SEMA3C: variants seen among roughly 807,000 people sequenced by gnomAD.
SEMA3C encodes the protein semaphorin-3C.
SEMA3C carries 47 observed loss-of-function variants against 89.4 expected under a neutral mutation model. The ratio of observed to expected loss-of-function variants is 0.53; its 90% CI spans 0.42 to 0.67. The LOEUF is 0.67. Ranked by LOEUF, SEMA3C falls within the 30% of genes least tolerant of loss-of-function variation. SEMA3C has a pLI of 0.00. For synonymous variants in SEMA3C, 310 were observed against 320.2 expected (o/e 0.97, Z 0.34); for missense variants, 839 against 929.1 (o/e 0.90, Z 1.26).
chr7:80,754,862 C>T (rs934584856), intron 15 of SEMA3C, among the ~76,000 whole-genome samples: 1 of 152,020 alleles, frequency 6.6e-6, no homozygotes, highest in African/African-American at 2.4e-5. Flanking sequence ...ACTGCAATCT[C>T]CGCCACAAGG....
intron 2 of SEMA3C, among the ~76,000 whole-genome samples, chr7:80,836,821 G>T (rs576361974): frequency 5.1e-4 from 77 of 152,232 alleles, no homozygotes; most frequent in African/African-American, 1.4e-3. Context: ...GCCCTGGTTT[G>T]CCCCAGACAG....
intron 13 of SEMA3C, among the ~76,000 whole-genome samples, chr7:80,764,564 T>C (rs1381702085): frequency 2.2e-5 from 2 of 91,240 alleles, no homozygotes; most frequent in African/African-American, 7.0e-5. Context: ...CTTGTGTATG[T>C]TTTTTTTTCT....
At chr7:80,754,957 G>GGTTTTTTTTTGTTTTTTTTTTTTT (rs1788025146) in intron 15 of SEMA3C, among the ~76,000 whole-genome samples, 1 of 108,368 alleles carries the variant, frequency 9.2e-6, no homozygotes. Context: ...GTTTTTTTTT[G>GGTTTTTTTTTGTTTTTTTTTTTTT]TTTTTTTTTT....
chr7:80,756,098 C>G (rs569648547), intron 15 of SEMA3C, among the ~76,000 whole-genome samples: 6 of 152,290 alleles, frequency 3.9e-5, no homozygotes, highest in African/African-American at 1.4e-4. Context: ...TTCTAACTGC[C>G]TACTCAATAT....
At chr7:80,808,528 T>C (rs963796438) in intron 6 of SEMA3C, among the ~76,000 whole-genome samples, 3 of 152,200 alleles carry the variant, frequency 2.0e-5, no homozygotes, top group Non-Finnish European at 4.4e-5. Context: ...AATGCCGATA[T>C]TCAAGCAATT....
chr7:80,841,859 T>C (rs1012227985), intron 2 of SEMA3C, among the ~76,000 whole-genome samples: 2 of 152,220 alleles, frequency 1.3e-5, no homozygotes, highest in Non-Finnish European at 1.5e-5. Context: ...CTACTTTATC[T>C]AAATATTATT....
chr7:80,760,370 C>G (rs1788157578), intron 14 of SEMA3C, among the ~76,000 whole-genome samples: 1 of 152,176 alleles, frequency 6.6e-6, no homozygotes, highest in Non-Finnish European at 1.5e-5. Flanking sequence ...CCATTAACTA[C>G]TGTAAACAAA....
intron 2 of SEMA3C, among the ~76,000 whole-genome samples, chr7:80,868,232 T>C (rs1459391551): frequency 6.6e-6 from 1 of 152,122 alleles, no homozygotes; most frequent in Non-Finnish European, 1.5e-5. Context: ...CTTTCCTTCA[T>C]ATATCCTTCC....
chr7:80,788,082 A>G (rs1161216710), intron 12 of SEMA3C, among the ~76,000 whole-genome samples: 1 of 152,222 alleles, frequency 6.6e-6, no homozygotes, highest in Admixed American at 6.5e-5. Context: ...ATCTTAGCAC[A>G]CTTTGGAAAT....
chr7:80,872,038 CTGCA>C (rs1791070927), intron 2 of SEMA3C, among the ~76,000 whole-genome samples: 2 of 152,226 alleles, frequency 1.3e-5, no homozygotes, highest in South Asian at 4.1e-4. Context: ...GATAATTTGA[CTGCA>C]TGATCAGTTT....
chr7:80,773,039 C>A (rs1266697802), intron 12 of SEMA3C, among the ~76,000 whole-genome samples: 3 of 152,010 alleles, frequency 2.0e-5, no homozygotes, highest in Admixed American at 1.3e-4. Flanking sequence ...ATTAAAGAAT[C>A]GTGAGAGAAA....
chr7:80,792,101 C>T (rs932695434), intron 11 of SEMA3C, among the ~76,000 whole-genome samples: 2 of 152,156 alleles, frequency 1.3e-5, no homozygotes, highest in Non-Finnish European at 2.9e-5. Context: ...ACTAGACTTT[C>T]ATCTGGAGTT....
At chr7:80,830,167 G>A (rs557439873) in intron 2 of SEMA3C, among the ~76,000 whole-genome samples, 6 of 152,142 alleles carry the variant, frequency 3.9e-5, no homozygotes, top group Non-Finnish European at 8.8e-5. Context: ...CCAATAATCT[G>A]AAAATGCCCT....
intron 2 of SEMA3C, among the ~76,000 whole-genome samples, chr7:80,829,308 T>C (rs557660360): frequency 1.3e-5 from 2 of 152,284 alleles, no homozygotes; most frequent in African/African-American, 2.4e-5. Flanking sequence ...TCAACTCTGT[T>C]TTATTACTGG....
In SEMA3C at chr7:80,905,175, A is replaced by AT. The variant is rs777783617; in HGVS notation, c.103+11503dup. ...TTTGCTGCAACCCTCAATTATGGCC[A>AT]TTTTTTTTTTTTTTTGAGGAGGTGG... On this transcript the variant is annotated intron_variant, in intron 2 of 17. Coordinates refer to ENST00000265361, the MANE Select transcript of SEMA3C (RefSeq NM_006379.5). Among the ~76,000 whole-genome samples the AT allele has an allele frequency of 6.1e-3, 757 of 123,506 alleles. 10 individuals are homozygous for AT. The highest frequency in any genetic ancestry group is 0.029 in the Middle Eastern group (7 of 240). The allele number at this position is 123,506 out of a possible 152,430, so 81.0% of individuals were successfully genotyped here.
At chr7:80,860,335 T>C (rs894773773) in intron 2 of SEMA3C, among the ~76,000 whole-genome samples, 1 of 152,196 alleles carries the variant, frequency 6.6e-6, no homozygotes, top group Non-Finnish European at 1.5e-5. Flanking sequence ...TCTGCCTTAA[T>C]ATTTTGATGA....
At chr7:80,863,222 C>T (rs1191969609) in intron 2 of SEMA3C, among the ~76,000 whole-genome samples, 1 of 145,422 alleles carries the variant, frequency 6.9e-6, no homozygotes, top group Non-Finnish European at 1.5e-5. Flanking sequence ...CAGAGCGAGA[C>T]TCCATCTTAA....
At chr7:80,847,135 T>G (rs1047548409) in intron 2 of SEMA3C, 1 of 152,200 alleles carries the variant, frequency 6.6e-6, no homozygotes, top group African/African-American at 2.4e-5. Context: ...GAAAACTGTT[T>G]AGGTTGACCT....
intron 2 of SEMA3C, among the ~76,000 whole-genome samples, chr7:80,879,448 G>A (rs1255953372): frequency 6.6e-6 from 1 of 152,174 alleles, no homozygotes; most frequent in Non-Finnish European, 1.5e-5. Flanking sequence ...TGTGGGTGTA[G>A]TAAGGTTGTA....
Sources: gnomAD v4.1 joint callset for allele counts (sites outside exome capture counted in the v4.1 genomes callset) on GRCh38, gnomAD v4.1.1 for gene constraint, MANE v1.5 for transcripts, NCBI Gene and HGNC (gene_info 2026-07-23, HGNC 2026-07-21) for gene names.